Variants in GRHL1 observed in about 807,000 individuals in gnomAD.
GRHL1 encodes grainyhead like transcription factor 1.
A neutral mutation model predicts 75.7 loss-of-function variants in GRHL1; 38 were observed. That is an observed-to-expected ratio of 0.50 (90% CI 0.39 to 0.66). The LOEUF (loss-of-function observed/expected upper bound fraction) is 0.66, where lower values mean the gene tolerates loss of function less well. Among genes scored for constraint, GRHL1 ranks in the 30% least tolerant of loss-of-function variants. GRHL1 has a pLI of 0.00. For synonymous variants in GRHL1, 266 were observed against 279.4 expected, an observed-to-expected ratio of 0.95 and a Z score of 0.48; for missense variants, 589 against 767.5, an observed-to-expected ratio of 0.77 and a Z score of 2.75.
At chr2:9,979,233 CT>C (rs113844108) in intron 8 of GRHL1, among the ~76,000 whole-genome samples, 63,868 of 134,112 alleles carry the variant, frequency 0.48, 15,031 homozygotes, top group Admixed American at 0.54. Context: ...AATGTTCAAT[CT>C]TTTTTTTTTT....
Position 9,995,938 on chromosome 2 carries a change from C to T in GRHL1, c.1559C>T (p.Thr520Ile). 6.2e-7 allele frequency: 1 copy of T among 1,611,520 alleles called. No homozygotes were observed. Among genetic ancestry groups the T allele is most frequent in the Non-Finnish European group, 8.5e-7 (1 of 1,177,556 alleles). Residue 520 changes from threonine (T) to isoleucine (I), a missense_variant, in exon 13 of 16, where the codon ACC becomes ATC. Thr to Ile is a moderately conservative substitution (Grantham distance 89). This residue lies in a region of GRHL1 where 192 missense variants were observed against 226.6 expected (regional missense o/e 0.85). Transcript: ENST00000324907. ...TEDDFAVPPS[T>I]KLARIEEPKR... ...GATGACTTTGCTGTCCCTCCTTCTACCAAGCTGGCCCGGATAGAAGAACCA... is the reference window on the plus strand; with the variant it reads ...GATGACTTTGCTGTCCCTCCTTCTATCAAGCTGGCCCGGATAGAAGAACCA...
In GRHL1 at chr2:9,998,867, TATATATGTACACATATATATAC is replaced by T. The variant is rs1288390794; in HGVS notation, c.1678-91_1678-70del. 19 of 198,220 alleles carry T rather than the reference TATATATGTACACATATATATAC, an allele frequency of 9.6e-5. 5 individuals carry two copies. Among genetic ancestry groups the T allele is most frequent in the African/African-American group, 6.0e-4 (8 of 13,420 alleles). 12.3% of individuals were successfully genotyped at this position (198,220 alleles called of 1,614,324 possible). On this transcript the variant is annotated intron_variant, in intron 14 of 15. Coordinates refer to ENST00000324907, the MANE Select transcript of GRHL1 (RefSeq NM_198182.3). ...ATATATGTACACATATATATACGTA[TATATATGTACACATATATATAC>T]ATATATATATATTTGTTGTTTGGTT... is the stretch of plus-strand genomic sequence containing the variant.
At chr2:9,954,686 C>T (rs1004434321) in intron 1 of GRHL1, among the ~76,000 whole-genome samples, 3 of 152,134 alleles carry the variant, frequency 2.0e-5, no homozygotes, top group African/African-American at 4.8e-5. Context: ...CTGGGTTCCA[C>T]GTGTAGGTGA....
chr2:9,995,125 C>T (rs887026327), intron 12 of GRHL1, among the ~76,000 whole-genome samples: 2 of 152,182 alleles, frequency 1.3e-5, no homozygotes, highest in Admixed American at 6.5e-5. Flanking sequence ...ACGGTAGAGT[C>T]GGCTTCCCGA....
chr2:9,953,824 T>C (rs1223719633), intron 1 of GRHL1, among the ~76,000 whole-genome samples: 5 of 152,224 alleles, frequency 3.3e-5, no homozygotes, highest in African/African-American at 1.2e-4. Context: ...TGTGTTGCAA[T>C]GAGAGCCAGT....
intron 8 of GRHL1, among the ~76,000 whole-genome samples, chr2:9,977,565 G>A (rs1001785447): frequency 2.0e-5 from 3 of 152,098 alleles, no homozygotes; most frequent in African/African-American, 4.8e-5. Flanking sequence ...CAAGTGATCC[G>A]CCCGCCTCGG....
rs1009325609 is a variant in GRHL1, at chr2:9,990,366, G to T, written c.1270-330G>T. Among the ~76,000 whole-genome samples the T allele has an allele frequency of 6.6e-6, 1 of 151,986 alleles. No homozygotes were observed. Among genetic ancestry groups the T allele is most frequent in the African/African-American group, 2.4e-5 (1 of 41,398 alleles). ...GGGTTTCACCATGTTGGCCAGGCTG[G>T]TCTCGAACTCCTGACCTCAAATGAT... On this transcript the variant is annotated intron_variant, in intron 9 of 15. Transcript: ENST00000324907. The surrounding 1 kb of genome is among the most constrained non-coding windows in gnomAD (Gnocchi z 4.2).
intron 4 of GRHL1, among the ~76,000 whole-genome samples, chr2:9,962,047 G>A (rs901700500): frequency 6.6e-6 from 1 of 152,122 alleles, no homozygotes; most frequent in Non-Finnish European, 1.5e-5. Context: ...CCTTTCCTGA[G>A]AAAATGCACC....
At chr2:9,967,338 C>T (rs1255058723) in intron 8 of GRHL1, among the ~76,000 whole-genome samples, 3 of 152,206 alleles carry the variant, frequency 2.0e-5, no homozygotes, top group African/African-American at 7.2e-5. Context: ...AAAGGCCCAG[C>T]GCATGGGCAG....
intron 9 of GRHL1, among the ~76,000 whole-genome samples, chr2:9,986,982 CT>C (rs551747525): frequency 0.071 from 10,174 of 143,720 alleles, 606 homozygotes; most frequent in African/African-American, 0.17. Flanking sequence ...TGTAAAACAG[CT>C]TTTTTTTTTT....
In GRHL1 at chr2:9,990,736, G is replaced by A; in HGVS notation, c.1310G>A (p.Ser437Asn). The change falls in exon 10 of 16, where the codon AGC becomes AAC. Residue 437 changes from serine to asparagine, a missense_variant. Physicochemically the swap from Ser to Asn is conservative, Grantham distance 46 (BLOSUM62 1). Coordinates refer to ENST00000324907, the MANE Select transcript of GRHL1 (RefSeq NM_198182.3). This position sits in a 1 kb window ranked among gnomAD's most constrained non-coding sequence, Gnocchi z 4.2. ...ATCAGGGATGAAGAACGAAAGCAAAGCAAAAGAAAAGGCAAGTGTCCTGAC... is the reference window on the plus strand; with the variant it reads ...ATCAGGGATGAAGAACGAAAGCAAAACAAAAGAAAAGGCAAGTGTCCTGAC... ...RKIRDEERKQSKRKVSDVKVP... is the reference protein window; with the variant it reads ...RKIRDEERKQNKRKVSDVKVP... 1 of 1,612,250 alleles carries A rather than the reference G, an allele frequency of 6.2e-7. No individual in the cohort carries two copies. The highest frequency in any genetic ancestry group is 8.5e-7 in the Non-Finnish European group (1 of 1,178,762).
Position 9,996,350 on chromosome 2 carries a change from C to A in GRHL1, c.1626C>A (p.Val542=). Residue 542 remains valine (V), a synonymous_variant, in exon 14 of 16, where the codon GTC becomes GTA. Transcript: ENST00000324907. ...ACGTTCGAAAGGAGTCAGAAGAAGTCTTTGATGCCCTGATGCTCAAAACCC... is the reference window on the plus strand; with the variant it reads ...ACGTTCGAAAGGAGTCAGAAGAAGTATTTGATGCCCTGATGCTCAAAACCC... The part of the protein sequence containing the change: ...LLYVRKESEE[V]FDALMLKTPS... 6.2e-7 allele frequency: 1 copy of A among 1,613,318 alleles called. No individual in the cohort carries two copies. The highest frequency in any genetic ancestry group is 1.1e-5 in the South Asian group (1 of 91,058).
At chr2:9,967,983 TATTGGAGC>T in intron 8 of GRHL1, among the ~76,000 whole-genome samples, 1 of 152,326 alleles carries the variant, frequency 6.6e-6, no homozygotes, top group South Asian at 2.1e-4. Context: ...CATAAGGGTT[TATTGGAGC>T]TATGTGGCAT....
intron 8 of GRHL1, chr2:9,966,314 C>T (rs1443686762): frequency 6.6e-6 from 1 of 152,284 alleles, no homozygotes; most frequent in Non-Finnish European, 1.5e-5. Context: ...AGGAGAATCG[C>T]TTGAACCCGG....
At chr2:9,973,546 C>G (rs995638585) in intron 8 of GRHL1, among the ~76,000 whole-genome samples, 1 of 152,204 alleles carries the variant, frequency 6.6e-6, no homozygotes, top group African/African-American at 2.4e-5. Context: ...AATTCTATAA[C>G]TGTATATAAA....
chr2:9,991,996 T>C lies in GRHL1; in HGVS notation c.1322-11T>C. On this transcript the variant is annotated splice_polypyrimidine_tract_variant and intron_variant, in intron 10 of 15. Transcript: ENST00000324907. ...CTTGGCTTCCTCTTTTTTAATTTTT[T>C]TTTTTTTCAGTTTCTGATGTTAAAG... 3.9e-6 allele frequency: 6 copies of C among 1,549,400 alleles called. No individual in the cohort carries two copies. Among genetic ancestry groups the C allele is most frequent in the Non-Finnish European group, 5.2e-6 (6 of 1,147,890 alleles).
At position 9,990,567 on chromosome 2, in the gene GRHL1, A is replaced by T; in HGVS notation, c.1270-129A>T. On this transcript the variant is annotated intron_variant, in intron 9 of 15. Transcript: ENST00000324907. The surrounding 1 kb of genome is among the most constrained non-coding windows in gnomAD (Gnocchi z 4.2). ...AACTACTATGATAAGCCTCATGAATATAGTAAGTAATGGGGTTCCTGTCCA... is the reference window on the plus strand; with the variant it reads ...AACTACTATGATAAGCCTCATGAATTTAGTAAGTAATGGGGTTCCTGTCCA... 1 of 484,826 alleles carries T rather than the reference A, an allele frequency of 2.1e-6. No homozygotes were observed. The highest frequency in any genetic ancestry group is 3.8e-6 in the Non-Finnish European group (1 of 264,804). 30.0% of individuals were successfully genotyped at this position (484,826 alleles called of 1,614,324 possible).
chr2:9,967,365 G>A (rs1440740298), intron 8 of GRHL1, among the ~76,000 whole-genome samples: 1 of 152,242 alleles, frequency 6.6e-6, no homozygotes, highest in Non-Finnish European at 1.5e-5. Context: ...TTGTTTGTTT[G>A]ATGTGTCACT....
chr2:9,958,949 C>G (rs1256746646), intron 3 of GRHL1, 93 bp downstream of exon 3: 2 of 1,526,336 alleles, frequency 1.3e-6, no homozygotes, highest in African/African-American at 2.7e-5. Context: ...TGAACAACCA[C>G]TAGTGAAAGA....
Sources: gnomAD v4.1 joint callset for allele counts (sites outside exome capture counted in the v4.1 genomes callset) on GRCh38, gnomAD v4.1.1 for gene constraint, gnomAD v4.1.1 regional missense constraint, Gnocchi (gnomAD v3.1) non-coding constraint, MANE v1.5 for transcripts, NCBI Gene and HGNC (gene_info 2026-07-23, HGNC 2026-07-21) for gene names.